FBN3: variants seen among roughly 807,000 people sequenced by gnomAD.
FBN3 encodes the protein fibrillin-3.
Under a neutral mutation model 330.1 loss-of-function variants are expected in FBN3, and 234 were observed. The observed-to-expected ratio is 0.71, with a 90% CI of 0.64 to 0.79. The LOEUF is 0.79. Among genes scored for constraint, FBN3 ranks in the 30% least tolerant of loss-of-function variants. The pLI is 0.00. For missense variants in FBN3, 3,606 were observed against 3,886.9 expected, an observed-to-expected ratio of 0.93 and a Z score of 1.92; for synonymous variants, 1,458 against 1,517.3, an observed-to-expected ratio of 0.96 and a Z score of 0.91.
chr19:8,116,645 CG>C, intron 29 of FBN3, 28 bp downstream of exon 29: 2 of 1,594,344 alleles, frequency 1.3e-6, no homozygotes, highest in Non-Finnish European at 1.7e-6. Context: ...CTCCTCCACC[CG>C]CCCCGCCCCA....
intron 13 of FBN3, 45 bp from the exon 14 acceptor site, chr19:8,133,151 G>A (rs2083191211): frequency 2.0e-6 from 3 of 1,524,358 alleles, no homozygotes; most frequent in Non-Finnish European, 2.6e-6. Flanking sequence ...GACCACACTG[G>A]GACCCTCTCT....
intron 63 of FBN3, among the ~76,000 whole-genome samples, chr19:8,069,667 C>T (rs1348781271): frequency 6.6e-6 from 1 of 152,194 alleles, no homozygotes; most frequent in Non-Finnish European, 1.5e-5. Context: ...CTCTCTGCCG[C>T]TTTGAACTCC....
chr19:8,097,287 A>G lies in FBN3; in HGVS notation c.5287+2T>C, dbSNP rs1372955379. On this transcript the variant is annotated splice_donor_variant, in intron 42 of 63. Coordinates refer to ENST00000600128, the MANE Select transcript of FBN3 (RefSeq NM_032447.5). LOFTEE classifies it high-confidence loss of function. ...AGGGCTGGGAACAGGGAGAGGTGGCACCTTCACAAGCCAGCAGGATGCTGT... is the reference window on the plus strand; with the variant it reads ...AGGGCTGGGAACAGGGAGAGGTGGCGCCTTCACAAGCCAGCAGGATGCTGT... 6.2e-7 allele frequency: 1 copy of G among 1,602,300 alleles called. No individual in the cohort carries two copies. Among genetic ancestry groups the G allele is most frequent in the East Asian group, 2.3e-5 (1 of 44,416 alleles).
At chr19:8,106,640 G>A (rs1054487781) in intron 37 of FBN3, among the ~76,000 whole-genome samples, 3 of 152,006 alleles carry the variant, frequency 2.0e-5, no homozygotes, top group Non-Finnish European at 1.5e-5. Flanking sequence ...TAAGCAAGTG[G>A]GTCAATGAAT....
Position 8,091,584 on chromosome 19 carries a change from T to A in FBN3, c.5912A>T (p.Asp1971Val). The A allele has an allele frequency of 6.2e-7, 1 of 1,613,964 alleles. No individual in the cohort carries two copies. Among genetic ancestry groups the A allele is most frequent in the Non-Finnish European group, 8.5e-7 (1 of 1,179,972 alleles). ...GAGGTTGGGCTCCTCTGAGCACTCG[T>A]CGATATCTGGAAGGGCAGGGACATG... ...QVQSDHCIDI[D>V]ECSEEPNLCL... The change falls in exon 48 of 64, where the codon GAC becomes GTC. Residue 1971 changes from aspartate to valine, a missense_variant. Asp to Val is a radical substitution (Grantham distance 152). Transcript: ENST00000600128.
intron 38 of FBN3, among the ~76,000 whole-genome samples, chr19:8,105,564 A>G (rs2082420947): frequency 6.6e-6 from 1 of 152,140 alleles, no homozygotes; most frequent in Non-Finnish European, 1.5e-5. Context: ...CCAGCCTTGA[A>G]TTTCATATAA....
rs1235521374 is a variant in FBN3 at position 8,087,142 on chromosome 19, C to G, written c.6689G>C (p.Gly2230Ala). ...TGGGGGACAGACGCACGCGAAGGTA[C>G]CGATGAGGTTCTTGCACTCCATGCC... is the stretch of plus-strand genomic sequence containing the variant. Reference protein sequence around the residue: ...ARGMECKNLIGTFACVCPPGM... With the variant: ...ARGMECKNLIATFACVCPPGM... Residue 2230 changes from glycine (G) to alanine (A), a missense_variant, in exon 54 of 64, where the codon GGT becomes GCT. Physicochemically the swap from Gly to Ala is moderately conservative, Grantham distance 60. Transcript: ENST00000600128. 20 of 1,610,824 alleles carry G rather than the reference C, an allele frequency of 1.2e-5. No individual in the cohort carries two copies. Among genetic ancestry groups the G allele is most frequent in the Non-Finnish European group, 1.7e-5 (20 of 1,179,470 alleles).
At chr19:8,133,223 A>G in intron 13 of FBN3, 117 bp from the exon 14 acceptor site, 1 of 1,283,160 alleles carries the variant, frequency 7.8e-7, no homozygotes, top group Non-Finnish European at 1.0e-6. Flanking sequence ...TGGGAGGCAA[A>G]CAAGCTGTGG....
chr19:8,078,394 A>G (rs940141285), intron 59 of FBN3, among the ~76,000 whole-genome samples: 3 of 152,154 alleles, frequency 2.0e-5, no homozygotes, highest in African/African-American at 2.4e-5. Context: ...ACTCCTCTTG[A>G]GCCCTTTGCA....
rs778533102 is a variant in FBN3 at position 8,111,088 on chromosome 19, CA to C, written c.4179del (p.Phe1393LeufsTer61). On this transcript the variant is annotated frameshift_variant, in exon 33 of 64. Transcript: ENST00000600128. LOFTEE classifies it high-confidence loss of function. ...CAGGCCCGGTGGTCCTCGGTGGGGT[CA>C]AAGCCCATCTCACATTCACAGCGGT... ...GGYRCECEMG[F>X]DPTEDHRACQ... 1.9e-6 allele frequency: 3 copies of C among 1,613,482 alleles called. No individual in the cohort carries two copies. In the South Asian group the frequency reaches 3.3e-5, roughly 18 times the overall value.
rs371104247 is a variant in FBN3, at chr19:8,115,532, C to A, written c.3821G>T (p.Gly1274Val). ...CGGCTCACCAGAGCAGCCTGTGGCCCCCTTCCTGACCATGTAGCCCAGCTG... is the reference window on the plus strand; with the variant it reads ...CGGCTCACCAGAGCAGCCTGTGGCCACCTTCCTGACCATGTAGCCCAGCTG... ...HCQLGYMVRK[G>V]ATGCSDVDEC... Residue 1274 changes from glycine to valine, a missense_variant, in exon 30 of 64, where the codon GGG becomes GTG. Gly to Val is a moderately radical substitution (Grantham distance 109). Transcript: ENST00000600128. 1 of 1,613,996 alleles carries A rather than the reference C, an allele frequency of 6.2e-7. No homozygotes were observed. The highest frequency in any genetic ancestry group is 8.5e-7 in the Non-Finnish European group (1 of 1,180,014).
intron 22 of FBN3, 64 bp downstream of exon 22, chr19:8,125,828 A>G: frequency 6.6e-7 from 1 of 1,509,206 alleles, no homozygotes; most frequent in Non-Finnish European, 8.8e-7. Flanking sequence ...TCCTCAAGTC[A>G]CTGCGGGTGG....
At position 8,091,521 on chromosome 19, in the gene FBN3, A is replaced by C; in HGVS notation, c.5975T>G (p.Phe1992Cys). The change falls in exon 48 of 64, where the codon TTC (phenylalanine) becomes TGC (cysteine). Residue 1992 changes from phenylalanine (F) to cysteine (C), a missense_variant. By Grantham distance (205) the Phe-to-Cys change is radical. Transcript: ENST00000600128. ...AAAGCCAGGTGGGCAGAGGCACTGG[A>C]AGCTCCCAGGGCTGTTGGTACAGGT... is the stretch of plus-strand genomic sequence containing the variant. The part of the protein sequence containing the change: ...FGTCTNSPGS[F>C]QCLCPPGFVL... 2.5e-6 allele frequency: 4 copies of C among 1,614,184 alleles called. No individual in the cohort carries two copies. The highest frequency in any genetic ancestry group is 3.4e-6 in the Non-Finnish European group (4 of 1,180,038).
In FBN3 at chr19:8,080,994, G is replaced by A; in HGVS notation, c.7453+9C>T. 6.3e-7 allele frequency: 1 copy of A among 1,589,790 alleles called. No homozygotes were observed. Among genetic ancestry groups the A allele is most frequent in the Non-Finnish European group, 8.6e-7 (1 of 1,160,424 alleles). On this transcript the variant is annotated intron_variant, in intron 59 of 63. Coordinates refer to ENST00000600128, the MANE Select transcript of FBN3 (RefSeq NM_032447.5). Reference sequence around the variant, plus strand: ...GGTCACCTCCCGGTGAGGGGCAAGGGTCACTCACCGAAGCAGGCCTGGTGG... The same window carrying A: ...GGTCACCTCCCGGTGAGGGGCAAGGATCACTCACCGAAGCAGGCCTGGTGG...
At chr19:8,111,797 C>G (rs1291614155) in intron 31 of FBN3, 27 bp from the exon 32 acceptor site, 4 of 1,609,430 alleles carry the variant, frequency 2.5e-6, no homozygotes, top group East Asian at 2.2e-5. Flanking sequence ...CCAGACCCCC[C>G]ACCCCATGGT....
chr19:8,111,296 A>C, intron 32 of FBN3, 113 bp from the exon 33 acceptor site: 2 of 1,337,386 alleles, frequency 1.5e-6, no homozygotes, highest in Non-Finnish European at 2.0e-6. Context: ...GTCCCAGGCA[A>C]GTAGCCCTGG....
chr19:8,144,777 T>C (rs1221495368), intron 6 of FBN3, 100 bp downstream of exon 6: 3 of 896,098 alleles, frequency 3.3e-6, no homozygotes, highest in African/African-American at 1.7e-5. Context: ...GGAGGCCAGC[T>C]GGTTCCTTTC....
intron 45 of FBN3, 74 bp from the exon 46 acceptor site, chr19:8,095,577 C>T: frequency 1.3e-6 from 2 of 1,529,838 alleles, no homozygotes; most frequent in Middle Eastern, 1.7e-4. Flanking sequence ...TACTTCTGTC[C>T]ACAACTGAGT....
chr19:8,112,759 T>C (rs564599586), intron 30 of FBN3, among the ~76,000 whole-genome samples: 1 of 152,380 alleles, frequency 6.6e-6, no homozygotes, highest in Admixed American at 6.5e-5. Flanking sequence ...GAGTCAATTA[T>C]GCCTCACCCT....
Sources: gnomAD v4.1 joint callset for allele counts (sites outside exome capture counted in the v4.1 genomes callset) on GRCh38, gnomAD v4.1.1 for gene constraint, MANE v1.5 for transcripts, NCBI Gene and HGNC (gene_info 2026-07-23, HGNC 2026-07-21) for gene names.